KCTD3: variants seen among roughly 807,000 people sequenced by gnomAD.
KCTD3 encodes the protein BTB/POZ domain-containing protein KCTD3.
Under a neutral mutation model 85.8 loss-of-function variants are expected in KCTD3, and 41 were observed. That is an observed-to-expected ratio of 0.48 (90% CI 0.37 to 0.62). The LOEUF (loss-of-function observed/expected upper bound fraction) is 0.62, where lower values mean the gene tolerates loss of function less well. Ranked by LOEUF, KCTD3 falls within the 20% of genes least tolerant of loss-of-function variation. The probability of loss-of-function intolerance (pLI) is 0.00; values close to 1 mark genes in which losing one functional copy is unlikely to be tolerated. For synonymous variants in KCTD3, 338 were observed against 345.4 expected, an observed-to-expected ratio of 0.98 and a Z score of 0.24; for missense variants, 724 against 989.9, an observed-to-expected ratio of 0.73 and a Z score of 3.60.
At position 215,574,054 on chromosome 1, in the gene KCTD3, G is replaced by T; in HGVS notation, c.138-19G>T. 6.4e-7 allele frequency: 1 copy of T among 1,565,662 alleles called. No homozygotes were observed. The highest frequency in any genetic ancestry group is 1.2e-5 in the South Asian group (1 of 85,258). On this transcript the variant is annotated intron_variant, in intron 2 of 17. Transcript: ENST00000259154. ...ACTCAGATTTTAAAAACTAACTTTA[G>T]ATTATTAATGACTTCCAGTTTGCTG... is the stretch of plus-strand genomic sequence containing the variant.
At chr1:215,575,864 T>TTA in intron 3 of KCTD3, 37 bp from the exon 4 acceptor site, 1 of 1,160,952 alleles carries the variant, frequency 8.6e-7, no homozygotes, top group Non-Finnish European at 1.2e-6. Flanking sequence ...AAAGATTAAT[T>TTA]TGTAATTTGA....
At chr1:215,614,018 GTTTTTT>G (rs577770912) in intron 15 of KCTD3, among the ~76,000 whole-genome samples, 8 of 66,288 alleles carry the variant, frequency 1.2e-4, no homozygotes, top group Admixed American at 4.6e-4. Context: ...CTTTAGAATA[GTTTTTT>G]TTTTTTTTTT....
intron 15 of KCTD3, among the ~76,000 whole-genome samples, chr1:215,616,614 G>A (rs1281779204): frequency 6.6e-6 from 1 of 151,990 alleles, no homozygotes; most frequent in Non-Finnish European, 1.5e-5. Context: ...TACAAAATTA[G>A]CCAGGCCTGG....
intron 15 of KCTD3, among the ~76,000 whole-genome samples, chr1:215,613,493 C>T (rs752241128): frequency 2.5e-4 from 38 of 152,142 alleles, no homozygotes; most frequent in Admixed American, 2.0e-4. Flanking sequence ...TGCAAGTGCT[C>T]TTTACTTTAA....
chr1:215,577,633 CA>C, intron 4 of KCTD3, 36 bp from the exon 5 acceptor site: 1 of 1,338,538 alleles, frequency 7.5e-7, no homozygotes, highest in Non-Finnish European at 1.1e-6. Context: ...TACAGGTTTC[CA>C]GTGTTAGAGA....
intron 9 of KCTD3, among the ~76,000 whole-genome samples, chr1:215,591,534 T>G (rs1041433201): frequency 5.9e-5 from 9 of 152,096 alleles, no homozygotes; most frequent in African/African-American, 2.2e-4. Context: ...ATTTCTGTAT[T>G]TTTAGTAGAG....
chr1:215,587,425 G>A (rs561249840), intron 9 of KCTD3, among the ~76,000 whole-genome samples: 23 of 152,102 alleles, frequency 1.5e-4, no homozygotes, highest in Admixed American at 1.2e-3. Flanking sequence ...CACCATGCCC[G>A]GCCTTTCTGT....
chr1:215,612,563 C>T (rs1655273169), intron 15 of KCTD3, among the ~76,000 whole-genome samples: 1 of 152,172 alleles, frequency 6.6e-6, no homozygotes, highest in Non-Finnish European at 1.5e-5. Flanking sequence ...CAGTATTCCT[C>T]TGCTTTTGTC....
chr1:215,619,633 ATTTATCTGTGG>A (rs1323004049), intron 17 of KCTD3, among the ~76,000 whole-genome samples: 1 of 152,182 alleles, frequency 6.6e-6, no homozygotes, highest in Non-Finnish European at 1.5e-5. Flanking sequence ...CAGGGACAAT[ATTTATCTGTGG>A]TTCTATTATG....
chr1:215,605,186 A>C (rs1462961809), intron 13 of KCTD3, among the ~76,000 whole-genome samples: 1 of 152,156 alleles, frequency 6.6e-6, no homozygotes, highest in East Asian at 1.9e-4. Context: ...TTCATGTGTC[A>C]GATTTGTTTT....
chr1:215,609,756 T>C (rs1001161467), intron 14 of KCTD3, among the ~76,000 whole-genome samples: 2 of 151,870 alleles, frequency 1.3e-5, no homozygotes, highest in African/African-American at 4.8e-5. Context: ...TAAAGAAATA[T>C]AGGAAGAAGA....
At chr1:215,590,872 T>A (rs1449984454) in intron 9 of KCTD3, among the ~76,000 whole-genome samples, 1 of 152,228 alleles carries the variant, frequency 6.6e-6, no homozygotes, top group East Asian at 1.9e-4. Context: ...TACTTGTGTG[T>A]GATACATTTT....
rs535478393 is a variant in KCTD3 at position 215,578,176 on chromosome 1, T to G, written c.397+95T>G. ...GAAAAACTGCTCCTTGATTATTGAG[T>G]TTTTTGTCTATAAATCTATTAGAAA... On this transcript the variant is annotated intron_variant, in intron 6 of 17. Transcript: ENST00000259154. 2.9e-4 allele frequency: 275 copies of G among 947,752 alleles called. 2 individuals carry two copies. The Middle Eastern group carries it at 7.4e-3, about 26-fold the overall frequency. The allele number at this position is 947,752 out of a possible 1,614,324, so 58.7% of individuals were successfully genotyped here. A position where few individuals can be genotyped will look rare whatever the true frequency, so the allele number is the denominator to read the frequency against.
chr1:215,580,082 C>A (rs1435305310), intron 8 of KCTD3, 83 bp downstream of exon 8: 2 of 937,252 alleles, frequency 2.1e-6, no homozygotes, highest in Non-Finnish European at 3.3e-6. Context: ...GATTGAAAAG[C>A]TATTTTTTTT....
intron 9 of KCTD3, among the ~76,000 whole-genome samples, chr1:215,591,843 T>C (rs1231600203): frequency 6.6e-6 from 1 of 152,200 alleles, no homozygotes; most frequent in African/African-American, 2.4e-5. Flanking sequence ...CATCTGTCTT[T>C]ATTTGGTATA....
In KCTD3 at chr1:215,579,073, T is replaced by C; in HGVS notation, c.471T>C (p.Gly157=). The C allele has an allele frequency of 6.3e-7, 1 of 1,597,516 alleles. No homozygotes were observed. Among genetic ancestry groups the C allele is most frequent in the Non-Finnish European group, 8.5e-7 (1 of 1,175,000 alleles). ...GGAATGGTCTAAATTCTACAGAAGGTGAAGCCCGGGGAAATGGTACACAGC... is the reference window on the plus strand; with the variant it reads ...GGAATGGTCTAAATTCTACAGAAGGCGAAGCCCGGGGAAATGGTACACAGC... ...DSRNGLNSTE[G]EARGNGTQPV... The change falls in exon 7 of 18, where the codon GGT becomes GGC. Residue 157 remains glycine (G), a synonymous_variant. Transcript: ENST00000259154.
At chr1:215,617,825 AAT>A (rs1433605948) in intron 15 of KCTD3, among the ~76,000 whole-genome samples, 1 of 147,460 alleles carries the variant, frequency 6.8e-6, no homozygotes, top group African/African-American at 2.5e-5. Flanking sequence ...ATATATATTA[AAT>A]ATATATTACA....
chr1:215,595,597 G>A, intron 10 of KCTD3, 126 bp downstream of exon 10: 1 of 592,804 alleles, frequency 1.7e-6, no homozygotes, highest in East Asian at 2.7e-5. Context: ...AATAAATGTA[G>A]TGGTAAATTT....
chr1:215,596,699 T>G (rs2102584037), intron 10 of KCTD3, among the ~76,000 whole-genome samples: 1 of 152,104 alleles, frequency 6.6e-6, no homozygotes, highest in South Asian at 2.1e-4. Context: ...TCAAGAAGTT[T>G]GGTGGTGAAG....
Sources: gnomAD v4.1 joint callset for allele counts (sites outside exome capture counted in the v4.1 genomes callset) on GRCh38, gnomAD v4.1.1 for gene constraint, MANE v1.5 for transcripts, NCBI Gene and HGNC (gene_info 2026-07-23, HGNC 2026-07-21) for gene names.